ARIH1: variants seen among roughly 807,000 people sequenced by gnomAD.
ARIH1 encodes the protein ariadne RBR E3 ubiquitin protein ligase 1.
ARIH1 carries 8 observed loss-of-function variants against 85.0 expected under a neutral mutation model. The observed-to-expected ratio is 0.09, with a 90% confidence interval of 0.06 to 0.17. The LOEUF (loss-of-function observed/expected upper bound fraction) is 0.17, where lower values mean the gene tolerates loss of function less well. ARIH1 is among the 10% of genes least tolerant of loss of function. The probability of loss-of-function intolerance (pLI) is 1.00; values close to 1 mark genes in which losing one functional copy is unlikely to be tolerated. For synonymous variants in ARIH1, 238 were observed against 253.6 expected (o/e 0.94, Z 0.59); for missense variants, 311 against 718.1 (o/e 0.43, Z 6.48).
At chr15:72,497,140 A>G (rs2063883369) in intron 1 of ARIH1, among the ~76,000 whole-genome samples, 1 of 152,238 alleles carries the variant, frequency 6.6e-6, no homozygotes, top group African/African-American at 2.4e-5. Context: ...AGATAATTAA[A>G]TGGAGGATAT....
chr15:72,572,814 C>CT (rs1214734848), intron 11 of ARIH1, among the ~76,000 whole-genome samples: 1 of 151,984 alleles, frequency 6.6e-6, no homozygotes, highest in Non-Finnish European at 1.5e-5. Context: ...TTTTTTAAAC[C>CT]TTTTTGTTCA....
At chr15:72,486,694 C>CTTTTTTTT (rs34770375) in intron 1 of ARIH1, among the ~76,000 whole-genome samples, 3 of 92,874 alleles carry the variant, frequency 3.2e-5, no homozygotes, top group Non-Finnish European at 5.7e-5. Flanking sequence ...TTAAAAATGA[C>CTTTTTTTT]TTTTTTTTTT....
Position 72,563,463 on chromosome 15 carries a change from G to A in ARIH1, c.874G>A (p.Ala292Thr), listed in dbSNP as rs1339411218. 1.2e-6 allele frequency: 2 copies of A among 1,614,086 alleles called. No homozygotes were observed. The highest frequency in any genetic ancestry group is 2.2e-5 in the East Asian group (1 of 44,890). Residue 292 changes from alanine (A) to threonine (T), a missense_variant, in exon 7 of 14, where the codon GCT becomes ACT. Around this residue, in one of 3 missense-constraint regions of ARIH1, gnomAD observed 104 missense variants for 221.4 expected, o/e 0.47. Transcript: ENST00000379887. ...HHVVKVQYPD[A>T]KPVRCKCGRQ... ...TGTTGTTAAAGTCCAATATCCTGATGCTAAACCTGTTCGCTGCAAATGTGG... is the reference window on the plus strand; with the variant it reads ...TGTTGTTAAAGTCCAATATCCTGATACTAAACCTGTTCGCTGCAAATGTGG...
At chr15:72,557,742 G>A (rs1416302338) in intron 5 of ARIH1, among the ~76,000 whole-genome samples, 1 of 152,082 alleles carries the variant, frequency 6.6e-6, no homozygotes, top group African/African-American at 2.4e-5. Context: ...AGATATAGGG[G>A]TCAAGTTTCA....
chr15:72,570,420 C>A, intron 10 of ARIH1, 113 bp downstream of exon 10: 1 of 1,293,268 alleles, frequency 7.7e-7, no homozygotes, highest in Non-Finnish European at 1.1e-6. Context: ...TAAATAAATA[C>A]ATAGTGTGTG....
chr15:72,509,576 T>C (rs1595856622), intron 1 of ARIH1, among the ~76,000 whole-genome samples: 1 of 152,052 alleles, frequency 6.6e-6, no homozygotes, highest in Non-Finnish European at 1.5e-5. Context: ...TCCTTACTTA[T>C]TTATTTCTAT....
chr15:72,564,001 A>G lies in ARIH1; in HGVS notation c.911+501A>G, dbSNP rs1203536669. Among the ~76,000 whole-genome samples the G allele has an allele frequency of 2.0e-5, 3 of 152,192 alleles. No homozygotes were observed. The East Asian group carries it at 5.8e-4, about 29-fold the overall frequency. The stretch of plus-strand genomic sequence containing the variant: ...CTCTGAATTCTAGATTTGAACTGCC[A>G]GGAAGTTTCCAGTGCCACATATTAG... On this transcript the variant is annotated intron_variant, in intron 7 of 13. Transcript: ENST00000379887.
chr15:72,571,384 C>G (rs939026561), intron 10 of ARIH1, among the ~76,000 whole-genome samples: 1 of 152,074 alleles, frequency 6.6e-6, no homozygotes, highest in Non-Finnish European at 1.5e-5. Flanking sequence ...AGTCATTAGC[C>G]AAGTGCATGG....
rs75704025 is a variant in ARIH1, at chr15:72,511,041, G to A, written c.376-7026G>A. Among the ~76,000 whole-genome samples, 368 of 152,134 alleles carry A rather than the reference G, an allele frequency of 2.4e-3. 4 individuals carry two copies. The East Asian group carries it at 0.047, about 20-fold the overall frequency. ...ATTTGGAGTTTGATTGGCATTGAGT[G>A]GAATCTATAGGTCAGTTTGGGAAGA... On this transcript the variant is annotated intron_variant, in intron 1 of 13. Transcript: ENST00000379887.
chr15:72,569,368 A>G (rs970965636), intron 9 of ARIH1, among the ~76,000 whole-genome samples: 5 of 152,192 alleles, frequency 3.3e-5, no homozygotes, highest in Non-Finnish European at 2.9e-5. Flanking sequence ...TCTGTAGCAT[A>G]CTTGTTAAGG....
intron 1 of ARIH1, among the ~76,000 whole-genome samples, chr15:72,487,935 A>AGTT (rs2063843739): frequency 6.6e-6 from 1 of 152,088 alleles, no homozygotes; most frequent in Non-Finnish European, 1.5e-5. Context: ...TATCACCCCC[A>AGTT]GTTGCACTGT....
At chr15:72,476,226 A>G (rs2063794489) in intron 1 of ARIH1, among the ~76,000 whole-genome samples, 1 of 152,362 alleles carries the variant, frequency 6.6e-6, no homozygotes, top group East Asian at 1.9e-4. Flanking sequence ...AAATTGAAGC[A>G]TCTATTCAGG....
At chr15:72,546,108 G>A (rs1329062668) in intron 3 of ARIH1, among the ~76,000 whole-genome samples, 1 of 152,138 alleles carries the variant, frequency 6.6e-6, no homozygotes, top group Non-Finnish European at 1.5e-5. Context: ...GGCACAGTCA[G>A]TGTACTACAG....
intron 5 of ARIH1, among the ~76,000 whole-genome samples, chr15:72,559,672 T>C (rs2140431127): frequency 6.6e-6 from 1 of 152,302 alleles, no homozygotes; most frequent in South Asian, 2.1e-4. Context: ...TCACCTTATA[T>C]CCGTTAAGCA....
intron 3 of ARIH1, among the ~76,000 whole-genome samples, chr15:72,551,498 A>T (rs978080342): frequency 6.6e-6 from 1 of 152,194 alleles, no homozygotes; most frequent in Non-Finnish European, 1.5e-5. Context: ...ATGCATAAGG[A>T]GAATTTAGTG....
chr15:72,556,028 G>A (rs1460575963), intron 5 of ARIH1, 121 bp downstream of exon 5: 4 of 771,440 alleles, frequency 5.2e-6, no homozygotes, highest in African/African-American at 1.8e-5. Flanking sequence ...TTTTTAATCT[G>A]CGTTCCTTAG....
intron 1 of ARIH1, among the ~76,000 whole-genome samples, chr15:72,478,541 A>G (rs904122741): frequency 3.3e-5 from 5 of 152,196 alleles, no homozygotes; most frequent in Non-Finnish European, 5.9e-5. Context: ...GTGTTCAGCA[A>G]ATGTTGATTG....
In ARIH1 at chr15:72,474,360, G is replaced by T. The variant is rs973919877; in HGVS notation, c.-280G>T. On this transcript the variant is annotated 5_prime_UTR_variant, in exon 1 of 14. Transcript: ENST00000379887. ...CGATAGCAGCGGCCGTGGAGGTGGC[G>T]TTGGGGACTGTTTTCTCTCGGAGGC... 1 of 441,488 alleles carries T rather than the reference G, an allele frequency of 2.3e-6. No homozygotes were observed. The allele number at this position is 441,488 out of a possible 1,614,324, so 27.3% of individuals were successfully genotyped here.
At chr15:72,504,136 C>A (rs2063914772) in intron 1 of ARIH1, among the ~76,000 whole-genome samples, 1 of 152,212 alleles carries the variant, frequency 6.6e-6, no homozygotes, top group South Asian at 2.1e-4. Flanking sequence ...CTCACTGCAA[C>A]CTCTGCCTCC....
Sources: allele counts gnomAD v4.1 joint callset (sites outside exome capture counted in the v4.1 genomes callset), GRCh38; gene constraint gnomAD v4.1.1; regional missense constraint gnomAD v4.1.1; transcripts MANE v1.5; gene names NCBI Gene and HGNC (gene_info 2026-07-23, HGNC 2026-07-21).